PSMG4: variants seen among roughly 807,000 people sequenced by gnomAD.
PSMG4 encodes the protein proteasome assembly chaperone 4.
PSMG4 carries 10 observed loss-of-function variants against 11.0 expected under a neutral mutation model. That is an observed-to-expected ratio of 0.91 (90% CI 0.56 to 1.54). The LOEUF is 1.54. PSMG4 is among the 40% of genes most tolerant of loss of function. PSMG4 has a pLI of 0.00. For synonymous variants in PSMG4, 95 were observed against 71.3 expected (o/e 1.33, Z -1.68); for missense variants, 198 against 160.9 (o/e 1.23, Z -1.25).
chr6:3,260,291 A>ATTTTTTTTTTTTTTTTTTTTTTT (rs869076629), intron 1 of PSMG4, among the ~76,000 whole-genome samples: 1 of 70,842 alleles, frequency 1.4e-5, no homozygotes, highest in Non-Finnish European at 2.5e-5. Context: ...ATATATATAT[A>ATTTTTTTTTTTTTTTTTTTTTTT]TTTTTTTTTT....
chr6:3,265,102 G>T (rs1384430181), intron 2 of PSMG4: 2 of 152,172 alleles, frequency 1.3e-5, no homozygotes, highest in Non-Finnish European at 2.9e-5. Context: ...TGGAGGCCTA[G>T]TATCTATATG....
chr6:3,255,021 G>A (rs537448431), upstream of PSMG4: 95 of 1,548,478 alleles, frequency 6.1e-5, no homozygotes, highest in African/African-American at 1.3e-3. Context: ...GGAGCGCTGG[G>A]ATAATGGCGC....
upstream of PSMG4, chr6:3,255,089 G>A (rs200773005): frequency 1.1e-4 from 164 of 1,550,770 alleles, 1 homozygote; most frequent in African/African-American, 4.1e-5. Flanking sequence ...TTCCTAAGAA[G>A]TTGGCTGCAT....
At chr6:3,264,824 CT>C (rs760310756) in intron 2 of PSMG4, 5 of 156,332 alleles carry the variant, frequency 3.2e-5, no homozygotes, top group South Asian at 1.9e-4. Flanking sequence ...GTGTTTGTAT[CT>C]TTTTTTTTCT....
At chr6:3,258,700 G>C (rs1047436184), upstream of PSMG4, among the ~76,000 whole-genome samples, 1 of 152,112 alleles carries the variant, frequency 6.6e-6, no homozygotes, top group Non-Finnish European at 1.5e-5. Context: ...CTGGGCGCCC[G>C]TGGACTCCTA....
upstream of PSMG4, chr6:3,255,341 C>T (rs984452819): frequency 4.8e-6 from 7 of 1,463,350 alleles, no homozygotes; most frequent in African/African-American, 1.4e-5. Context: ...TGGAGTCATT[C>T]TATGTAGTTG....
At chr6:3,267,155 A>AT (rs1031680326) in intron 2 of PSMG4, 1 of 145,438 alleles carries the variant, frequency 6.9e-6, no homozygotes, top group African/African-American at 2.6e-5. Flanking sequence ...GCTCCCGGCC[A>AT]TTTTTTGTGT....
intron 2 of PSMG4, chr6:3,264,183 TC>T: frequency 6.4e-7 from 1 of 1,551,190 alleles, no homozygotes; most frequent in Non-Finnish European, 8.7e-7. Context: ...GGAAGGACTG[TC>T]CTCACTCAGT....
chr6:3,254,619 A>AT (rs1437478795), upstream of PSMG4, among the ~76,000 whole-genome samples: 1 of 152,196 alleles, frequency 6.6e-6, no homozygotes, highest in African/African-American at 2.4e-5. Flanking sequence ...GCGTAGCTTT[A>AT]AGAGGTGTAA....
intron 1 of PSMG4, among the ~76,000 whole-genome samples, chr6:3,260,790 G>A (rs1177228489): frequency 6.6e-6 from 1 of 152,192 alleles, no homozygotes; most frequent in Non-Finnish European, 1.5e-5. Context: ...CAGAATGATA[G>A]TTTTAAGACT....
At chr6:3,260,741 C>G (rs1757960576) in intron 1 of PSMG4, among the ~76,000 whole-genome samples, 1 of 152,170 alleles carries the variant, frequency 6.6e-6, no homozygotes, top group Non-Finnish European at 1.5e-5. Context: ...TTTGGGGAGA[C>G]ACAATTCAGG....
At chr6:3,258,932 G>T (rs1179983182), upstream of PSMG4, 3 of 1,173,968 alleles carry the variant, frequency 2.6e-6, no homozygotes, top group Non-Finnish European at 3.2e-6. Context: ...AAGCGCGCTC[G>T]GTCTCTCGGT....
upstream of PSMG4, among the ~76,000 whole-genome samples, chr6:3,255,383 T>C (rs1456297126): frequency 6.6e-6 from 1 of 152,200 alleles, no homozygotes; most frequent in African/African-American, 2.4e-5. Context: ...TGATGTTTGT[T>C]GAGTGATAAC....
At chr6:3,254,465 C>T (rs902400485), upstream of PSMG4, among the ~76,000 whole-genome samples, 55 of 150,930 alleles carry the variant, frequency 3.6e-4, no homozygotes, top group Non-Finnish European at 5.3e-4. Context: ...TTTTGTGTGT[C>T]TTTTTAGATA....
At chr6:3,254,793 G>C (rs950981862), upstream of PSMG4, among the ~76,000 whole-genome samples, 1 of 151,908 alleles carries the variant, frequency 6.6e-6, no homozygotes, top group African/African-American at 2.4e-5. Context: ...TGAATGCTTG[G>C]GGTCAGAGCA....
intron 1 of PSMG4, among the ~76,000 whole-genome samples, chr6:3,262,577 C>G (rs4246061): frequency 0.68 from 103,933 of 151,980 alleles, 38,529 homozygotes; most frequent in Non-Finnish European, 0.83. Context: ...CCTGTGGTCT[C>G]TGCCCTGCCA....
At chr6:3,258,808 C>G, upstream of PSMG4, 1 of 397,128 alleles carries the variant, frequency 2.5e-6, no homozygotes, top group Non-Finnish European at 4.4e-6. Flanking sequence ...CCAGGGACAG[C>G]TACTCCGCCC....
chr6:3,254,742 G>T (rs575403554), upstream of PSMG4, among the ~76,000 whole-genome samples: 9 of 152,054 alleles, frequency 5.9e-5, no homozygotes, highest in Non-Finnish European at 7.3e-5. Context: ...CTCCCCCTGT[G>T]CCTCTTTTAA....
At chr6:3,259,260 C>T in intron 1 of PSMG4, 64 bp downstream of exon 1, 1 of 1,208,674 alleles carries the variant, frequency 8.3e-7, no homozygotes, top group South Asian at 3.7e-5. Context: ...CGGGCCTGCG[C>T]GAGCTGCAGC....
Sources: gnomAD v4.1 joint callset for allele counts (sites outside exome capture counted in the v4.1 genomes callset) on GRCh38, gnomAD v4.1.1 for gene constraint, MANE v1.5 for transcripts, NCBI Gene and HGNC (gene_info 2026-07-23, HGNC 2026-07-21) for gene names.